PREX1: variants seen among roughly 807,000 people sequenced by gnomAD.
PREX1 encodes phosphatidylinositol 3,4,5-trisphosphate-dependent Rac exchanger 1 protein.
PREX1 carries 41 observed loss-of-function variants against 198.3 expected under a neutral mutation model. That is an observed-to-expected ratio of 0.21 (90% CI 0.16 to 0.27). PREX1 has a LOEUF of 0.27. PREX1 is among the 10% of genes least tolerant of loss of function. PREX1 has a pLI of 1.00. For missense variants in PREX1, 1,620 were observed against 2,200.7 expected, an observed-to-expected ratio of 0.74 and a Z score of 5.28; for synonymous variants, 843 against 887.2, an observed-to-expected ratio of 0.95 and a Z score of 0.89.
intron 1 of PREX1, among the ~76,000 whole-genome samples, chr20:48,809,887 A>T (rs1367945371): frequency 4.6e-5 from 7 of 152,172 alleles, no homozygotes; most frequent in African/African-American, 1.2e-4. Flanking sequence ...CAGAAAAGAG[A>T]AGGGAGCCAT....
chr20:48,788,738 G>C (rs934895397), intron 1 of PREX1, among the ~76,000 whole-genome samples: 1 of 152,218 alleles, frequency 6.6e-6, no homozygotes, highest in African/African-American at 2.4e-5. Context: ...GGTGGGGCCT[G>C]TAAGAGGTGA....
Position 48,624,409 on chromosome 20 carries a change from T to G in PREX1, c.*1476A>C, listed in dbSNP as rs2089253007. The G allele has an allele frequency of 6.5e-6, 1 of 152,672 alleles. No individual in the cohort carries two copies. The highest frequency in any genetic ancestry group is 2.4e-5 in the African/African-American group (1 of 41,456). The allele number at this position is 152,672 out of a possible 1,614,324, so 9.5% of individuals were successfully genotyped here. A position where few individuals can be genotyped will look rare whatever the true frequency, so the allele number is the denominator to read the frequency against. On this transcript the variant is annotated 3_prime_UTR_variant, in exon 40 of 40. Transcript: ENST00000371941. ...GCTAAAGCGGGTCCTCCTTTGTCTC[T>G]GATGCAAGATACAGTGACAAGGCCA...
intron 16 of PREX1, 27 bp from the exon 17 acceptor site, chr20:48,658,255 G>A (rs200483539): frequency 5.3e-5 from 85 of 1,610,698 alleles, no homozygotes; most frequent in Admixed American, 2.3e-4. Flanking sequence ...GAAGGAACCC[G>A]GTCAGGGAGC....
the PREX1 span, among the ~76,000 whole-genome samples, chr20:48,864,745 G>A: frequency 2.3e-3 from 348 of 152,198 alleles, 1 homozygote; most frequent in Middle Eastern, 0.01. Flanking sequence ...CCTTTGTGTC[G>A]GGCACTTTGT....
At chr20:48,776,494 C>T (rs2090262608) in intron 1 of PREX1, among the ~76,000 whole-genome samples, 1 of 152,224 alleles carries the variant, frequency 6.6e-6, no homozygotes, top group South Asian at 2.1e-4. Context: ...AGCCAGGCAT[C>T]ACTTCAGAGG....
At chr20:48,702,931 G>A (rs1453391356) in intron 6 of PREX1, among the ~76,000 whole-genome samples, 1 of 152,244 alleles carries the variant, frequency 6.6e-6, no homozygotes, top group African/African-American at 2.4e-5. Flanking sequence ...CAGACCAGCA[G>A]ATTACACTGA....
intron 5 of PREX1, among the ~76,000 whole-genome samples, chr20:48,716,343 C>T (rs1447597885): frequency 2.6e-5 from 4 of 152,226 alleles, no homozygotes; most frequent in Non-Finnish European, 1.5e-5. Context: ...TCCAAAGGTG[C>T]CCGCTCTGAG....
intron 5 of PREX1, among the ~76,000 whole-genome samples, chr20:48,720,680 T>C (rs534760681): frequency 2.1e-4 from 32 of 152,118 alleles, no homozygotes; most frequent in Non-Finnish European, 4.0e-4. Flanking sequence ...TATACGTCCA[T>C]GCTCCGGGAA....
At chr20:48,807,625 G>GTA (rs1369096506) in intron 1 of PREX1, among the ~76,000 whole-genome samples, 1 of 151,908 alleles carries the variant, frequency 6.6e-6, no homozygotes, top group African/African-American at 2.4e-5. Context: ...GAATCAAAGG[G>GTA]TATCGTGGGT....
intron 35 of PREX1, 107 bp downstream of exon 35, chr20:48,632,170 C>G: frequency 9.9e-7 from 1 of 1,014,782 alleles, no homozygotes. Flanking sequence ...AAAGGGTGTG[C>G]GGCCCACTGC....
intron 38 of PREX1, 101 bp downstream of exon 38, chr20:48,627,760 T>C: frequency 7.1e-7 from 1 of 1,399,026 alleles, no homozygotes; most frequent in Non-Finnish European, 9.9e-7. Flanking sequence ...AAGGCTCAGG[T>C]CTGGGGCTGG....
chr20:48,632,611 G>A lies in PREX1; in HGVS notation c.4296C>T (p.Gly1432=). 1.2e-6 allele frequency: 2 copies of A among 1,613,902 alleles called. No individual in the cohort carries two copies. Among genetic ancestry groups the A allele is most frequent in the Non-Finnish European group, 1.7e-6 (2 of 1,179,904 alleles). Residue 1432 remains glycine (G), a synonymous_variant, in exon 34 of 40, where the codon GGC becomes GGT. Transcript: ENST00000371941. ...AGATGACCTTCAGCGCCTGCCGGCT[G>A]CCCTCAATGTGGTAGAAGACGTTGG... The part of the protein sequence containing the change: ...ANTNVFYHIE[G]SRQALKVIFY...
chr20:48,750,735 C>T (rs972421307), intron 1 of PREX1, among the ~76,000 whole-genome samples: 5 of 152,158 alleles, frequency 3.3e-5, no homozygotes, highest in Non-Finnish European at 5.9e-5. Context: ...GCTCATTTGA[C>T]AGATGAGGAA....
chr20:48,688,509 G>T (rs1207640942), intron 10 of PREX1, 148 bp downstream of exon 10: 1 of 1,001,776 alleles, frequency 1.0e-6, no homozygotes, highest in Non-Finnish European at 1.5e-6. Context: ...GATCTCTGAG[G>T]GCTGCTCCAT....
At chr20:48,782,025 G>A (rs1391419158) in intron 1 of PREX1, among the ~76,000 whole-genome samples, 2 of 152,234 alleles carry the variant, frequency 1.3e-5, no homozygotes, top group African/African-American at 2.4e-5. Flanking sequence ...GGGAGCCAAT[G>A]CTCAGGAGAT....
chr20:48,633,385 G>A (rs1032204186), intron 33 of PREX1, among the ~76,000 whole-genome samples: 2 of 152,284 alleles, frequency 1.3e-5, no homozygotes, highest in South Asian at 2.1e-4. Context: ...AACAGACACA[G>A]GGTATACCCG....
chr20:48,668,427 GC>G (rs2089653893), intron 14 of PREX1, among the ~76,000 whole-genome samples: 1 of 152,180 alleles, frequency 6.6e-6, no homozygotes, highest in Non-Finnish European at 1.5e-5. Context: ...GTCAGCAGGG[GC>G]CAGATTGTGT....
intron 30 of PREX1, 136 bp from the exon 31 acceptor site, chr20:48,637,888 T>C: frequency 4.3e-6 from 3 of 705,722 alleles, no homozygotes; most frequent in Non-Finnish European, 7.0e-6. Context: ...CACCCAAGGC[T>C]GTGCTCAAGG....
chr20:48,683,771 A>T (rs2089767701), intron 10 of PREX1, among the ~76,000 whole-genome samples: 1 of 152,164 alleles, frequency 6.6e-6, no homozygotes, highest in Non-Finnish European at 1.5e-5. Flanking sequence ...GTTCATATCG[A>T]GTCCAACATT....
Sources: gnomAD v4.1 joint callset for allele counts (sites outside exome capture counted in the v4.1 genomes callset) on GRCh38, gnomAD v4.1.1 for gene constraint, MANE v1.5 for transcripts, NCBI Gene and HGNC (gene_info 2026-07-23, HGNC 2026-07-21) for gene names.